STK32A: variants seen among roughly 807,000 people sequenced by gnomAD.
The protein encoded by STK32A is serine/threonine kinase 32A.
In STK32A, 41 loss-of-function variants were observed where a neutral mutation model predicts 53.2. The ratio of observed to expected loss-of-function variants is 0.77; its 90% CI spans 0.60 to 1.00. STK32A has a LOEUF of 1.00. Ranked by LOEUF, STK32A falls within the 50% of genes least tolerant of loss-of-function variation. STK32A has a pLI of 0.00. For synonymous variants in STK32A, 166 were observed against 162.8 expected, an observed-to-expected ratio of 1.02 and a Z score of -0.15; for missense variants, 458 against 485.8, an observed-to-expected ratio of 0.94 and a Z score of 0.54.
At chr5:147,315,207 A>G (rs1279496049) in intron 4 of STK32A, among the ~76,000 whole-genome samples, 1 of 152,214 alleles carries the variant, frequency 6.6e-6, no homozygotes, top group African/African-American at 2.4e-5. Context: ...ATTTGATCCA[A>G]CAATTCCGTT....
At chr5:147,373,411 T>C in intron 10 of STK32A, 117 bp downstream of exon 10, 1 of 1,388,256 alleles carries the variant, frequency 7.2e-7, no homozygotes, top group Non-Finnish European at 9.8e-7. Context: ...GAGCCCCAAT[T>C]CCCATTTTAC....
chr5:147,241,402 C>T (rs957430411), intron 2 of STK32A, among the ~76,000 whole-genome samples: 7 of 152,128 alleles, frequency 4.6e-5, no homozygotes, highest in African/African-American at 1.7e-4. Context: ...TGGCGGGAAC[C>T]CGGGAGGCGG....
chr5:147,253,122 C>A (rs866674988), intron 2 of STK32A, among the ~76,000 whole-genome samples: 6 of 151,992 alleles, frequency 3.9e-5, no homozygotes, highest in African/African-American at 1.5e-4. Context: ...ATATACATAC[C>A]ATTTTAAACA....
At chr5:147,315,378 G>A (rs534300062) in intron 4 of STK32A, among the ~76,000 whole-genome samples, 5 of 152,174 alleles carry the variant, frequency 3.3e-5, no homozygotes, top group African/African-American at 9.6e-5. Context: ...GCCTATGATG[G>A]AATATTACTC....
chr5:147,329,291 A>T (rs1754748097), intron 5 of STK32A, among the ~76,000 whole-genome samples: 1 of 152,058 alleles, frequency 6.6e-6, no homozygotes. Flanking sequence ...CTCACACATG[A>T]CCTCTTGGGC....
intron 6 of STK32A, chr5:147,348,575 A>T: frequency 1.4e-6 from 1 of 696,868 alleles, no homozygotes; most frequent in Middle Eastern, 2.4e-4. Context: ...TTCCACTTCT[A>T]CATGAGCATA....
At chr5:147,306,320 A>G (rs1753406660) in intron 4 of STK32A, among the ~76,000 whole-genome samples, 1 of 151,992 alleles carries the variant, frequency 6.6e-6, no homozygotes, top group African/African-American at 2.4e-5. Flanking sequence ...TTGATCCATG[A>G]AAGCTCTTTA....
At chr5:147,267,925 C>A (rs17545761) in intron 2 of STK32A, among the ~76,000 whole-genome samples, 8,748 of 152,208 alleles carry the variant, frequency 0.057, 296 homozygotes, top group South Asian at 0.084. Flanking sequence ...GAAGAGATTT[C>A]TCCCACCTTA....
chr5:147,313,063 CAAAAAA>C (rs71583952), intron 4 of STK32A, among the ~76,000 whole-genome samples: 6 of 78,660 alleles, frequency 7.6e-5, no homozygotes, highest in Admixed American at 2.9e-4. Flanking sequence ...CTCATCTCTA[CAAAAAA>C]AAAAAAAAAA....
intron 2 of STK32A, chr5:147,240,180 AG>A (rs1407993480): frequency 1.3e-5 from 2 of 152,606 alleles, no homozygotes; most frequent in Non-Finnish European, 2.9e-5. Context: ...ATTGGAGAAA[AG>A]GGAAACTTTC....
chr5:147,299,064 A>C (rs1753003988), intron 4 of STK32A, among the ~76,000 whole-genome samples: 1 of 152,202 alleles, frequency 6.6e-6, no homozygotes. Context: ...ATTCAGGGCA[A>C]GTTTGCAGAG....
At chr5:147,333,791 A>G (rs560438723) in intron 5 of STK32A, among the ~76,000 whole-genome samples, 143 of 152,314 alleles carry the variant, frequency 9.4e-4, no homozygotes, top group African/African-American at 3.4e-3. Context: ...ATCATTACAC[A>G]TTCTTATATA....
chr5:147,383,380 T>A, intron 11 of STK32A, 61 bp from the exon 12 acceptor site: 1 of 1,401,794 alleles, frequency 7.1e-7, no homozygotes, highest in Non-Finnish European at 9.9e-7. Flanking sequence ...TATTGGCTGT[T>A]TGAAGATTCT....
chr5:147,400,818 T>G, the STK32A span: 6 of 1,613,958 alleles, frequency 3.7e-6, no homozygotes, highest in Non-Finnish European at 5.1e-6. Context: ...CACTCCCAGA[T>G]AGCTGCAGAT....
At chr5:147,291,011 C>T (rs1044947456) in intron 4 of STK32A, among the ~76,000 whole-genome samples, 3 of 151,996 alleles carry the variant, frequency 2.0e-5, no homozygotes, top group Non-Finnish European at 4.4e-5. Context: ...TACAGGAACA[C>T]AAAGATAATG....
chr5:147,355,974 A>C (rs1440585594), intron 7 of STK32A, among the ~76,000 whole-genome samples: 1 of 152,190 alleles, frequency 6.6e-6, no homozygotes, highest in Non-Finnish European at 1.5e-5. Context: ...TTTTCATTTT[A>C]TAATGTAACA....
chr5:147,247,998 G>A (rs139525596), intron 2 of STK32A, among the ~76,000 whole-genome samples: 1 of 151,848 alleles, frequency 6.6e-6, no homozygotes, highest in East Asian at 1.9e-4. Context: ...GGGCCTACCT[G>A]TAATCCCAGC....
At chr5:147,252,302 ACTT>A (rs1398312623) in intron 2 of STK32A, among the ~76,000 whole-genome samples, 3 of 152,122 alleles carry the variant, frequency 2.0e-5, no homozygotes, top group African/African-American at 7.2e-5. Flanking sequence ...CACTTTGATA[ACTT>A]CTTCATTTTC....
intron 9 of STK32A, among the ~76,000 whole-genome samples, chr5:147,371,503 C>G (rs545946245): frequency 3.4e-4 from 52 of 152,244 alleles, no homozygotes; most frequent in African/African-American, 1.3e-3. Context: ...TTTGCACATG[C>G]CAGTACCTAT....
Sources: allele counts gnomAD v4.1 joint callset (sites outside exome capture counted in the v4.1 genomes callset), GRCh38; gene constraint gnomAD v4.1.1; transcripts MANE v1.5; gene names NCBI Gene and HGNC (gene_info 2026-07-23, HGNC 2026-07-21).